Variants in TCERG1 observed in about 807,000 individuals in gnomAD.
TCERG1 encodes TATA box binding protein (TBP)-associated factor, RNA polymerase II, S, 150kD.
TCERG1 carries 37 observed loss-of-function variants against 144.7 expected under a neutral mutation model. The observed-to-expected ratio is 0.26, with a 90% CI of 0.20 to 0.34. The LOEUF is 0.34. Among genes scored for constraint, TCERG1 ranks in the 10% least tolerant of loss-of-function variants. The pLI, the probability that TCERG1 is intolerant of heterozygous loss-of-function variation, is 1.00. For synonymous variants in TCERG1, 492 were observed against 458.2 expected (o/e 1.07, Z -0.94); for missense variants, 1,027 against 1,380.7 (o/e 0.74, Z 4.06).
intron 12 of TCERG1, chr5:146,480,364 C>T (rs1401517684): frequency 4.4e-6 from 1 of 225,230 alleles, no homozygotes; most frequent in Admixed American, 5.3e-5. Context: ...TATTAGGTCT[C>T]AATTTTATGA....
In TCERG1 at chr5:146,480,079, A is replaced by C. The variant is rs1227045866; in HGVS notation, c.1871A>C (p.Lys624Thr). Residue 624 changes from lysine to threonine, a missense_variant, in exon 12 of 23, where the codon AAA (lysine) becomes ACA (threonine). Physicochemically the swap from Lys to Thr is moderately conservative, Grantham distance 78 (BLOSUM62 -1). Transcript: ENST00000679501. ...MEEINEDEPV[K>T]AKKRKRMSKK... The stretch of plus-strand genomic sequence containing the variant: ...GAAATTAATGAAGATGAGCCTGTTA[A>C]AGCAAAAAAACGGAAGTAAGTAATA... 1.3e-6 allele frequency: 2 copies of C among 1,598,668 alleles called. No individual in the cohort carries two copies. The highest frequency in any genetic ancestry group is 1.7e-6 in the Non-Finnish European group (2 of 1,173,898).
rs1310922041 is a variant in TCERG1, at chr5:146,459,162, C to CCAGGCT, written c.722_727dup (p.Ala241_Gln242dup). On this transcript the variant is annotated inframe_insertion, in exon 4 of 23. Transcript: ENST00000679501. Reference sequence around the variant, plus strand: ...CTCAGGCACAAGCTCAGGCCCAGGCCCAGGCTCAGGTCCAGGCCCAGGTCC... The same window carrying CCAGGCT: ...CTCAGGCACAAGCTCAGGCCCAGGCCCAGGCTCAGGCTCAGGTCCAGGCCCAGGTCC... 6.2e-7 allele frequency: 1 copy of CCAGGCT among 1,612,174 alleles called. No homozygotes were observed. The highest frequency in any genetic ancestry group is 1.7e-5 in the Admixed American group (1 of 59,948).
At chr5:146,491,232 C>T (rs753619163) in intron 15 of TCERG1, among the ~76,000 whole-genome samples, 7 of 151,982 alleles carry the variant, frequency 4.6e-5, no homozygotes, top group Non-Finnish European at 4.4e-5. Flanking sequence ...AATGATCCTC[C>T]TGCCTTGCCC....
In TCERG1 at chr5:146,455,999, A is replaced by G. The variant is rs549359958; in HGVS notation, c.285+718A>G. On this transcript the variant is annotated intron_variant, in intron 2 of 22. Coordinates refer to ENST00000679501, the MANE Select transcript of TCERG1 (RefSeq NM_001382548.1). ...TCTATGTTTTCTTAGTTTAGTCTGTATAATTCTGAAACCAAATAAATATAG... is the reference window on the plus strand; with the variant it reads ...TCTATGTTTTCTTAGTTTAGTCTGTGTAATTCTGAAACCAAATAAATATAG... Among the ~76,000 whole-genome samples the G allele has an allele frequency of 1.2e-4, 18 of 152,326 alleles. No homozygotes were observed. The South Asian group carries it at 3.7e-3, about 32-fold the overall frequency.
intron 15 of TCERG1, among the ~76,000 whole-genome samples, chr5:146,485,855 C>T (rs746624314): frequency 4.0e-4 from 61 of 152,126 alleles, no homozygotes; most frequent in Non-Finnish European, 7.5e-4. Context: ...CCACCATGCC[C>T]GGCTAATTTT....
At chr5:146,472,949 G>A (rs1317011594) in intron 9 of TCERG1, among the ~76,000 whole-genome samples, 1 of 152,064 alleles carries the variant, frequency 6.6e-6, no homozygotes, top group Non-Finnish European at 1.5e-5. Context: ...TCCTGACCTC[G>A]TGATCCGCCC....
chr5:146,506,408 T>G (rs775762425), intron 19 of TCERG1, among the ~76,000 whole-genome samples: 2 of 152,182 alleles, frequency 1.3e-5, no homozygotes, highest in Non-Finnish European at 2.9e-5. Flanking sequence ...TTGTATATAC[T>G]TACGGGGTAC....
At chr5:146,496,924 A>G (rs1581548830) in intron 16 of TCERG1, among the ~76,000 whole-genome samples, 1 of 125,642 alleles carries the variant, frequency 8.0e-6, no homozygotes, top group African/African-American at 3.2e-5. Context: ...CCCAGGCTGG[A>G]GTGCAGTGGC....
At chr5:146,451,509 G>GT (rs1561626339) in intron 1 of TCERG1, among the ~76,000 whole-genome samples, 1 of 151,610 alleles carries the variant, frequency 6.6e-6, no homozygotes, top group Non-Finnish European at 1.5e-5. Flanking sequence ...TTTTAGTAGA[G>GT]TGGGGGTTTC....
intron 5 of TCERG1, among the ~76,000 whole-genome samples, chr5:146,467,642 A>T (rs1763907775): frequency 6.6e-6 from 1 of 152,200 alleles, no homozygotes; most frequent in South Asian, 2.1e-4. Flanking sequence ...TAGTGGTATT[A>T]AAGGGGCTGT....
At chr5:146,463,053 C>A (rs2150315203) in intron 4 of TCERG1, among the ~76,000 whole-genome samples, 1 of 152,312 alleles carries the variant, frequency 6.6e-6, no homozygotes, top group Middle Eastern at 3.4e-3. Flanking sequence ...TCAAGGCTTT[C>A]TAATTTCTGC....
chr5:146,501,070 T>G (rs1019492898), intron 17 of TCERG1, among the ~76,000 whole-genome samples: 1 of 152,070 alleles, frequency 6.6e-6, no homozygotes, highest in African/African-American at 2.4e-5. Flanking sequence ...TCTTAAGCTA[T>G]TTTATTGTAA....
intron 2 of TCERG1, 96 bp downstream of exon 2, chr5:146,455,377 GT>G: frequency 7.3e-7 from 1 of 1,367,246 alleles, no homozygotes; most frequent in Non-Finnish European, 1.0e-6. Context: ...AATAGTTTCA[GT>G]TTATAGGAAA....
At chr5:146,482,829 G>C in intron 14 of TCERG1, 102 bp downstream of exon 14, 9 of 1,328,970 alleles carry the variant, frequency 6.8e-6, no homozygotes, top group Non-Finnish European at 8.8e-6. Flanking sequence ...ATGTTATGGG[G>C]GGGGATAAGG....
intron 5 of TCERG1, among the ~76,000 whole-genome samples, chr5:146,466,903 A>G (rs994161075): frequency 2.0e-5 from 3 of 152,326 alleles, no homozygotes; most frequent in Middle Eastern, 3.4e-3. Context: ...GTATATTCAT[A>G]AGAATTGAAT....
At chr5:146,489,960 C>G (rs1283211426) in intron 15 of TCERG1, among the ~76,000 whole-genome samples, 1 of 152,154 alleles carries the variant, frequency 6.6e-6, no homozygotes, top group Non-Finnish European at 1.5e-5. Flanking sequence ...TAACCTTGGT[C>G]TGGGGTAGCC....
At position 146,467,999 on chromosome 5, in the gene TCERG1, A is replaced by C. The variant is rs373319896; in HGVS notation, c.1136-342A>C. ...TTACTGGTATCTAAGCAACAGCAGCATGGGTTTGATGTCCTGTGGGAAAAT... is the reference window on the plus strand; with the variant it reads ...TTACTGGTATCTAAGCAACAGCAGCCTGGGTTTGATGTCCTGTGGGAAAAT... On this transcript the variant is annotated intron_variant, in intron 5 of 22. Transcript: ENST00000679501. Among the ~76,000 whole-genome samples the C allele has an allele frequency of 1.3e-4, 20 of 152,316 alleles. No individual in the cohort carries two copies. In the East Asian group the frequency reaches 2.3e-3, roughly 18 times the overall value.
At chr5:146,464,777 A>G (rs981846262) in intron 5 of TCERG1, among the ~76,000 whole-genome samples, 2 of 152,140 alleles carry the variant, frequency 1.3e-5, no homozygotes, top group African/African-American at 4.8e-5. Context: ...ACTTATTGCT[A>G]CTTTCTTATA....
Position 146,478,523 on chromosome 5 carries a change from C to T in TCERG1, c.1632C>T (p.Val544=). 6.2e-7 allele frequency: 1 copy of T among 1,607,440 alleles called. No homozygotes were observed. The highest frequency in any genetic ancestry group is 8.5e-7 in the Non-Finnish European group (1 of 1,178,220). ...TCGTTTGGACTGGTGATGAGCGGGT[C>T]TTCTTTTATAATCCCACCACTCGTC... ...WCVVWTGDER[V]FFYNPTTRLS... The change falls in exon 10 of 23, where the codon GTC becomes GTT. Residue 544 remains valine, a synonymous_variant. Coordinates refer to ENST00000679501, the MANE Select transcript of TCERG1 (RefSeq NM_001382548.1).
Sources: allele counts gnomAD v4.1 joint callset (sites outside exome capture counted in the v4.1 genomes callset), GRCh38; gene constraint gnomAD v4.1.1; transcripts MANE v1.5; gene names NCBI Gene and HGNC (gene_info 2026-07-23, HGNC 2026-07-21).